The following LRP1B variants were observed in gnomAD, a reference collection of about 807,000 sequenced individuals.
LRP1B encodes the protein low-density lipoprotein receptor-related protein 1B.
A neutral mutation model predicts 556.6 loss-of-function variants in LRP1B; 217 were observed. That is an observed-to-expected ratio of 0.39 (90% CI 0.35 to 0.44). The LOEUF (loss-of-function observed/expected upper bound fraction) is 0.44. Ranked by LOEUF, LRP1B falls within the 20% of genes least tolerant of loss-of-function variation. The probability of loss-of-function intolerance (pLI) is 1.00; values close to 1 mark genes in which losing one functional copy is unlikely to be tolerated. For synonymous variants in LRP1B, 2,047 were observed against 1,865.8 expected (o/e 1.10, Z -2.50); for missense variants, 5,053 against 5,620.8 (o/e 0.90, Z 3.23).
At position 141,227,295 on chromosome 2, in the gene LRP1B, A is replaced by G. The variant is rs993681289; in HGVS notation, c.850+1888T>C. Among the ~76,000 whole-genome samples, 9 of 152,210 alleles carry G rather than the reference A, an allele frequency of 5.9e-5. No individual in the cohort carries two copies. In the South Asian group the frequency reaches 1.4e-3, roughly 24 times the overall value. On this transcript the variant is annotated intron_variant, in intron 6 of 90. Coordinates refer to ENST00000389484, the MANE Select transcript of LRP1B (RefSeq NM_018557.3). ...AATTCTACTGCGCAACTTAGTGAAT[A>G]TTTTAGCTATTTGACTATTCAGTAT...
intron 3 of LRP1B, among the ~76,000 whole-genome samples, chr2:141,277,714 T>C (rs1181860379): frequency 4.0e-5 from 6 of 150,862 alleles, no homozygotes; most frequent in Non-Finnish European, 8.9e-5. Flanking sequence ...TGGAAAAAGC[T>C]AGCCTATGAC....
chr2:140,674,261 C>T (rs1035374830), intron 41 of LRP1B, among the ~76,000 whole-genome samples: 2 of 152,018 alleles, frequency 1.3e-5, no homozygotes, highest in Admixed American at 1.3e-4. Flanking sequence ...ATTTCTTTGA[C>T]ATATTTTGGA....
intron 76 of LRP1B, among the ~76,000 whole-genome samples, chr2:140,351,714 G>A (rs1681969466): frequency 1.3e-5 from 2 of 151,860 alleles, no homozygotes; most frequent in South Asian, 2.1e-4. Flanking sequence ...TATTAACGAA[G>A]CCCTAAAGAG....
At chr2:141,382,808 T>A (rs1689688415) in intron 3 of LRP1B, among the ~76,000 whole-genome samples, 1 of 152,200 alleles carries the variant, frequency 6.6e-6, no homozygotes, top group Admixed American at 6.5e-5. Context: ...TTGACATTGG[T>A]CTCAGCAGTG....
At chr2:140,369,297 G>A (rs933461891) in intron 71 of LRP1B, among the ~76,000 whole-genome samples, 11 of 151,904 alleles carry the variant, frequency 7.2e-5, no homozygotes. Context: ...GACCAGTTAG[G>A]TGGCATCATG....
At chr2:142,130,572 T>A in intron 1 of LRP1B, 76 bp downstream of exon 1, 1 of 1,257,374 alleles carries the variant, frequency 8.0e-7, no homozygotes, top group Non-Finnish European at 1.1e-6. Context: ...AGTTTCACAC[T>A]CACTTATCTG....
At chr2:140,279,639 G>T (rs568941906) in intron 84 of LRP1B, among the ~76,000 whole-genome samples, 1 of 151,816 alleles carries the variant, frequency 6.6e-6, no homozygotes, top group African/African-American at 2.4e-5. Context: ...ATACTTCATT[G>T]GTACTTAGCC....
intron 1 of LRP1B, among the ~76,000 whole-genome samples, chr2:142,123,403 T>C (rs1195405362): frequency 3.3e-5 from 5 of 152,146 alleles, no homozygotes; most frequent in Non-Finnish European, 5.9e-5. Context: ...AGGGATGTCC[T>C]ATTGATTGCA....
At chr2:140,340,289 A>G (rs1681306520) in intron 77 of LRP1B, among the ~76,000 whole-genome samples, 1 of 151,590 alleles carries the variant, frequency 6.6e-6, no homozygotes, top group Non-Finnish European at 1.5e-5. Flanking sequence ...TAAGGTGTAT[A>G]AAATAAAGAC....
intron 41 of LRP1B, among the ~76,000 whole-genome samples, chr2:140,604,489 A>C (rs491391): frequency 0.086 from 13,020 of 152,104 alleles, 834 homozygotes; most frequent in African/African-American, 0.17. Context: ...CAGCTATCCA[A>C]AGGACTTCAG....
intron 1 of LRP1B, among the ~76,000 whole-genome samples, chr2:142,069,692 G>A (rs543280451): frequency 1.9e-4 from 29 of 151,876 alleles, no homozygotes; most frequent in South Asian, 8.3e-4. Flanking sequence ...TTGTACATGC[G>A]AAAAGGTTTT....
intron 1 of LRP1B, among the ~76,000 whole-genome samples, chr2:141,967,096 G>C (rs1355559403): frequency 6.6e-6 from 1 of 151,784 alleles, no homozygotes; most frequent in African/African-American, 2.4e-5. Flanking sequence ...GATTGGAATT[G>C]GTGCCCTGTT....
At chr2:140,666,008 T>TC (rs71408467) in intron 41 of LRP1B, among the ~76,000 whole-genome samples, 2 of 147,508 alleles carry the variant, frequency 1.4e-5, no homozygotes, top group African/African-American at 5.1e-5. Flanking sequence ...TTTTTTTTTT[T>TC]CCTGAGACGG....
At chr2:142,123,415 G>A (rs1707525511) in intron 1 of LRP1B, among the ~76,000 whole-genome samples, 1 of 151,934 alleles carries the variant, frequency 6.6e-6, no homozygotes, top group Non-Finnish European at 1.5e-5. Context: ...TTGATTGCAA[G>A]AATAAAACAA....
intron 1 of LRP1B, among the ~76,000 whole-genome samples, chr2:142,022,845 A>T (rs77856884): frequency 0.036 from 5,485 of 151,780 alleles, 220 homozygotes; most frequent in East Asian, 0.16. Flanking sequence ...TAATTTTTTT[A>T]AATTTTTTTT....
At chr2:140,653,179 C>T (rs1298192348) in intron 41 of LRP1B, among the ~76,000 whole-genome samples, 3 of 151,876 alleles carry the variant, frequency 2.0e-5, no homozygotes, top group Non-Finnish European at 4.4e-5. Flanking sequence ...AATATAGTGG[C>T]AGAAAGTTCA....
rs60221222 is a variant in LRP1B at position 140,871,301 on chromosome 2, G to A, written c.4170-3038C>T. 7.5e-3 allele frequency among the ~76,000 whole-genome samples: 1,148 copies of A among 152,234 alleles called. 16 individuals are homozygous for A. The highest frequency in any genetic ancestry group is 0.026 in the African/African-American group (1,097 of 41,556). On this transcript the variant is annotated intron_variant, in intron 25 of 90. Coordinates refer to ENST00000389484, the MANE Select transcript of LRP1B (RefSeq NM_018557.3). The stretch of plus-strand genomic sequence containing the variant: ...AACAATTTAGCACACAGAATGATTA[G>A]CACAGAGAAAAGATTTGTGTTTGTA...
intron 7 of LRP1B, among the ~76,000 whole-genome samples, chr2:141,134,039 T>C (rs1244940111): frequency 6.6e-6 from 1 of 151,802 alleles, no homozygotes; most frequent in African/African-American, 2.4e-5. Flanking sequence ...TTATTTCCTT[T>C]CTCAGTGACT....
intron 84 of LRP1B, among the ~76,000 whole-genome samples, chr2:140,285,332 C>CATATATACACAT (rs1553439475): frequency 2.6e-5 from 1 of 38,254 alleles, no homozygotes; most frequent in Non-Finnish European, 1.4e-4. Flanking sequence ...CACATATACA[C>CATATATACACAT]ATACATATGT....
Sources: gnomAD v4.1 joint callset for allele counts (sites outside exome capture counted in the v4.1 genomes callset) on GRCh38, gnomAD v4.1.1 for gene constraint, MANE v1.5 for transcripts, NCBI Gene and HGNC (gene_info 2026-07-23, HGNC 2026-07-21) for gene names.